Variants in NEDD4 observed in about 807,000 individuals in gnomAD.
The protein encoded by NEDD4 is E3 ubiquitin-protein ligase NEDD4.
A neutral mutation model predicts 144.9 loss-of-function variants in NEDD4; 99 were observed. The observed-to-expected ratio is 0.68, with a 90% CI of 0.58 to 0.81. The LOEUF is 0.81. NEDD4 is among the 30% of genes least tolerant of loss of function. The probability of loss-of-function intolerance (pLI) is 0.00; values close to 1 mark genes in which losing one functional copy is unlikely to be tolerated. For synonymous variants in NEDD4, 318 were observed against 350.6 expected (o/e 0.91, Z 1.04); for missense variants, 985 against 1,065.9 (o/e 0.92, Z 1.06).
chr15:55,909,337 T>C (rs1280218562), intron 5 of NEDD4, among the ~76,000 whole-genome samples: 1 of 152,204 alleles, frequency 6.6e-6, no homozygotes, highest in Non-Finnish European at 1.5e-5. Flanking sequence ...TTTTCAACAG[T>C]TGCTCCCATG....
At chr15:55,971,671 G>C (rs2037612618) in intron 1 of NEDD4, among the ~76,000 whole-genome samples, 1 of 151,384 alleles carries the variant, frequency 6.6e-6, no homozygotes, top group Admixed American at 6.6e-5. Flanking sequence ...GGTAGCAAGA[G>C]AGATTGGGGT....
chr15:55,845,241 TTAATTAA>T (rs1438924564), intron 18 of NEDD4, among the ~76,000 whole-genome samples: 13 of 152,306 alleles, frequency 8.5e-5, no homozygotes, highest in African/African-American at 2.9e-4. Context: ...TCCATACAAA[TTAATTAA>T]TTTCTCTCTT....
At chr15:55,971,624 CA>C (rs59537454) in intron 1 of NEDD4, among the ~76,000 whole-genome samples, 45,144 of 124,428 alleles carry the variant, frequency 0.36, 6,888 homozygotes, top group South Asian at 0.42. Flanking sequence ...GACTCTGTCT[CA>C]AAAAAAAAAA....
rs762055544 is a variant in NEDD4, at chr15:55,848,590, G to A, written c.1429-15C>T. 2 of 1,604,578 alleles carry A rather than the reference G, an allele frequency of 1.2e-6. No homozygotes were observed. Among genetic ancestry groups the A allele is most frequent in the South Asian group, 2.2e-5 (2 of 90,738 alleles). ...TCCCATCCTGGCTATAATTAAAAAT[G>A]TATTTCAATTATTTTAGGAGAGGGG... On this transcript the variant is annotated splice_polypyrimidine_tract_variant and intron_variant, in intron 15 of 28. Transcript: ENST00000435532.
At chr15:55,970,943 T>G (rs576868551) in intron 1 of NEDD4, among the ~76,000 whole-genome samples, 1 of 152,084 alleles carries the variant, frequency 6.6e-6, no homozygotes, top group African/African-American at 2.4e-5. Context: ...ACAAACTAAA[T>G]AGGGCACCAG....
intron 5 of NEDD4, among the ~76,000 whole-genome samples, chr15:55,912,726 C>G (rs1566947438): frequency 6.6e-6 from 1 of 152,116 alleles, no homozygotes; most frequent in African/African-American, 2.4e-5. Flanking sequence ...TAACCTGCTT[C>G]TTGATTGAAC....
At chr15:55,847,123 G>C (rs2033783284) in intron 17 of NEDD4, 89 bp from the exon 18 acceptor site, 1 of 679,512 alleles carries the variant, frequency 1.5e-6, no homozygotes. Flanking sequence ...TGAACGTAAG[G>C]GCATTAAAAG....
intron 1 of NEDD4, among the ~76,000 whole-genome samples, chr15:55,977,855 G>T (rs2037732717): frequency 6.6e-6 from 1 of 151,960 alleles, no homozygotes; most frequent in African/African-American, 2.4e-5. Flanking sequence ...CAGTTTACTG[G>T]AAAGTAGCCA....
intron 1 of NEDD4, among the ~76,000 whole-genome samples, chr15:55,972,956 T>C (rs1349246700): frequency 1.3e-5 from 2 of 152,184 alleles, no homozygotes; most frequent in Admixed American, 1.3e-4. Flanking sequence ...TACATATGCA[T>C]CCAACACTGA....
intron 8 of NEDD4, among the ~76,000 whole-genome samples, chr15:55,867,891 A>G (rs1172628930): frequency 1.3e-5 from 2 of 152,102 alleles, no homozygotes; most frequent in African/African-American, 4.8e-5. Context: ...CTCTGTCTCT[A>G]CTAAAAATAC....
intron 17 of NEDD4, among the ~76,000 whole-genome samples, chr15:55,847,914 A>G (rs2033815736): frequency 6.6e-6 from 1 of 152,124 alleles, no homozygotes; most frequent in South Asian, 2.1e-4. Flanking sequence ...TCCTGACCTC[A>G]GGTGATCCAC....
At chr15:55,982,774 T>C (rs1454181134) in intron 1 of NEDD4, among the ~76,000 whole-genome samples, 1 of 152,162 alleles carries the variant, frequency 6.6e-6, no homozygotes, top group Non-Finnish European at 1.5e-5. Flanking sequence ...AATCAATACA[T>C]TTTCAGACAA....
intron 4 of NEDD4, among the ~76,000 whole-genome samples, chr15:55,944,534 A>G (rs2037072488): frequency 6.6e-6 from 1 of 152,218 alleles, no homozygotes; most frequent in Non-Finnish European, 1.5e-5. Flanking sequence ...CCTACTGCCT[A>G]TATAGACTCA....
chr15:55,891,927 T>C (rs1352948274), intron 5 of NEDD4, among the ~76,000 whole-genome samples: 1 of 152,090 alleles, frequency 6.6e-6, no homozygotes, highest in Non-Finnish European at 1.5e-5. Context: ...AGTTAAAGTG[T>C]CACAACTTTG....
chr15:55,905,386 C>A, intron 5 of NEDD4: 1 of 415,598 alleles, frequency 2.4e-6, no homozygotes. Flanking sequence ...CAGTGAAACC[C>A]ACCAGTTGAA....
intron 12 of NEDD4, among the ~76,000 whole-genome samples, chr15:55,854,998 G>A (rs866983949): frequency 6.6e-6 from 1 of 152,118 alleles, no homozygotes; most frequent in Non-Finnish European, 1.5e-5. Flanking sequence ...AGCTTGAGCG[G>A]GCTCTGATCT....
intron 5 of NEDD4, chr15:55,915,803 C>T (rs771794513): frequency 7.4e-6 from 12 of 1,613,584 alleles, no homozygotes; most frequent in Admixed American, 6.7e-5. Flanking sequence ...TCCTGTGAAG[C>T]GGCCGTATGT....
intron 1 of NEDD4, among the ~76,000 whole-genome samples, chr15:55,982,511 T>C (rs1020049364): frequency 7.2e-5 from 11 of 152,158 alleles, no homozygotes; most frequent in African/African-American, 1.9e-4. Context: ...ATAATGTACA[T>C]TCCATTTACA....
chr15:55,948,435 C>T (rs1292194379), intron 4 of NEDD4, among the ~76,000 whole-genome samples: 2 of 152,172 alleles, frequency 1.3e-5, no homozygotes, highest in African/African-American at 4.8e-5. Flanking sequence ...ACTTTCTTCA[C>T]AGAATTGGAA....
Sources: allele counts gnomAD v4.1 joint callset (sites outside exome capture counted in the v4.1 genomes callset), GRCh38; gene constraint gnomAD v4.1.1; transcripts MANE v1.5; gene names NCBI Gene and HGNC (gene_info 2026-07-23, HGNC 2026-07-21).